TTC34: variants seen among roughly 807,000 people sequenced by gnomAD.
TTC34 encodes the protein tetratricopeptide repeat protein 34.
Under a neutral mutation model 40.7 loss-of-function variants are expected in TTC34, and 44 were observed. The ratio of observed to expected loss-of-function variants is 1.08; its 90% CI spans 0.85 to 1.39. The LOEUF is 1.39. Among genes scored for constraint, TTC34 ranks in the 40% most tolerant of loss-of-function variants. The probability of loss-of-function intolerance (pLI) is 0.00; values close to 1 mark genes in which losing one functional copy is unlikely to be tolerated. For missense variants in TTC34, 884 were observed against 838.0 expected (o/e 1.05, Z -0.68); for synonymous variants, 422 against 398.6 (o/e 1.06, Z -0.70).
At chr1:2,773,404 AGC>A in intron 6 of TTC34, among the ~76,000 whole-genome samples, 1 of 99,534 alleles carries the variant, frequency 1.0e-5, no homozygotes, top group African/African-American at 3.6e-5. Flanking sequence ...GACTGCCTGG[AGC>A]AGCACCCACA....
At position 2,769,615 on chromosome 1, in the gene TTC34, G is replaced by A. The variant is rs1450656622; in HGVS notation, c.2226+13994C>T. Reference sequence around the variant, plus strand: ...CTCCAGGGGGAGCATCTGACAGCCTGGAACAGCACCCACACCCCCAGGTGA... The same window carrying A: ...CTCCAGGGGGAGCATCTGACAGCCTAGAACAGCACCCACACCCCCAGGTGA... On this transcript the variant is annotated intron_variant, in intron 6 of 8. Coordinates refer to ENST00000401095, the Ensembl canonical transcript of TTC34. Among the ~76,000 whole-genome samples the A allele has an allele frequency of 1.3e-4, 17 of 134,998 alleles. 1 individual carries two copies. Among genetic ancestry groups the A allele is most frequent in the African/African-American group, 3.8e-4 (13 of 34,018 alleles). The allele number at this position is 134,998 out of a possible 152,430, so 88.6% of individuals were successfully genotyped here.
At chr1:2,749,787 A>C (rs1226206016) in intron 6 of TTC34, among the ~76,000 whole-genome samples, 204 of 3,296 alleles carry the variant, frequency 0.062, no homozygotes, top group Middle Eastern at 0.25. Flanking sequence ...ATCTGACAGC[A>C]TGTATCAGCA....
At chr1:2,757,322 TCG>T (rs1641538218) in intron 6 of TTC34, among the ~76,000 whole-genome samples, 2 of 112,278 alleles carry the variant, frequency 1.8e-5, no homozygotes, top group African/African-American at 4.0e-5. Flanking sequence ...CAGGCGAGGA[TCG>T]GACAGCCTGG....
intron 6 of TTC34, among the ~76,000 whole-genome samples, chr1:2,769,690 C>G (rs1295399569): frequency 1.1e-5 from 1 of 87,158 alleles, no homozygotes; most frequent in South Asian, 3.3e-4. Context: ...GAGCATCTGA[C>G]AGTCTGGAGC....
chr1:2,677,778 GT>G (rs1322338570), intron 6 of TTC34, among the ~76,000 whole-genome samples: 12 of 89,878 alleles, frequency 1.3e-4, no homozygotes, highest in Non-Finnish European at 2.4e-4. Context: ...ACACCCCCAG[GT>G]GAGCATCTGA....
intron 6 of TTC34, among the ~76,000 whole-genome samples, chr1:2,687,081 C>A (rs1415295610): frequency 3.1e-3 from 352 of 115,178 alleles, no homozygotes; most frequent in African/African-American, 6.0e-3. Context: ...GCAGGACCCA[C>A]ACCCCCAGGT....
intron 6 of TTC34, among the ~76,000 whole-genome samples, chr1:2,752,160 G>A (rs1344426612): frequency 8.6e-6 from 1 of 116,190 alleles, no homozygotes; most frequent in African/African-American, 3.9e-5. Flanking sequence ...GTCTGGAGCA[G>A]CACCCACACC....
At chr1:2,749,626 C>G in intron 6 of TTC34, among the ~76,000 whole-genome samples, 1 of 108,336 alleles carries the variant, frequency 9.2e-6, no homozygotes, top group Non-Finnish European at 1.8e-5. Context: ...ATGTGATGGT[C>G]TGGAGCAGCC....
intron 6 of TTC34, among the ~76,000 whole-genome samples, chr1:2,683,874 CCCG>C (rs1640197309): frequency 2.9e-5 from 4 of 140,084 alleles, no homozygotes; most frequent in African/African-American, 1.2e-4. Flanking sequence ...GAACCCACAC[CCCG>C]AGGCGAGCAT....
At chr1:2,748,939 C>G (rs1641230759) in intron 6 of TTC34, among the ~76,000 whole-genome samples, 1 of 79,180 alleles carries the variant, frequency 1.3e-5, no homozygotes, top group Non-Finnish European at 2.2e-5. Context: ...GAGTATCTGA[C>G]AGACTGGAAC....
intron 6 of TTC34, among the ~76,000 whole-genome samples, chr1:2,675,641 C>G (rs1419871687): frequency 1.2e-5 from 1 of 85,906 alleles, no homozygotes; most frequent in African/African-American, 4.0e-5. Context: ...CAGCACCCCA[C>G]ACCCCCAGGT....
rs1476070970 is a variant in TTC34, at chr1:2,753,296, A to G, written c.2226+30313T>C. Among the ~76,000 whole-genome samples, 77 of 72,150 alleles carry G rather than the reference A, an allele frequency of 1.1e-3. 1 individual carries two copies. Among genetic ancestry groups the G allele is most frequent in the African/African-American group, 6.4e-3 (72 of 11,206 alleles). 47.3% of individuals were successfully genotyped at this position (72,150 alleles called of 152,430 possible). A position where few individuals can be genotyped will look rare whatever the true frequency, so the allele number is the denominator to read the frequency against. On this transcript the variant is annotated intron_variant, in intron 6 of 8. Transcript: ENST00000401095. ...GACAGCCTGGAACAGCACCCTGCAC[A>G]CCCAGGTGAGCATCCGACAGCCTGG...
chr1:2,783,646 C>T lies in TTC34; in HGVS notation c.2189G>A (p.Gly730Glu), dbSNP rs757726402. Residue 730 changes from glycine (G) to glutamate (E), a missense_variant, in exon 6 of 9, where the codon GGA becomes GAA. Physicochemically the swap from Gly to Glu is moderately conservative, Grantham distance 98. Transcript: ENST00000401095. ...TAGGGCCAGGTGCACCAACGCCCGT[C>T]CACACAGTGCCTGCACGTTCCCCGG... 1,044 of 1,481,874 alleles carry T rather than the reference C, an allele frequency of 7.0e-4. 9 individuals are homozygous for T. The highest frequency in any genetic ancestry group is 1.3e-4 in the Non-Finnish European group (148 of 1,104,770). 91.8% of individuals were successfully genotyped at this position (1,481,874 alleles called of 1,614,324 possible).
chr1:2,755,095 A>C (rs1278749467), intron 6 of TTC34, among the ~76,000 whole-genome samples: 1,116 of 4,688 alleles, frequency 0.24, no homozygotes, highest in East Asian at 0.33. Flanking sequence ...GGAACAGCAC[A>C]CACACCCCCA....
Position 2,800,532 on chromosome 1 carries a change from G to A in TTC34, c.296C>T (p.Pro99Leu), listed in dbSNP as rs542077002. 2.3e-5 allele frequency: 9 copies of A among 398,524 alleles called. No homozygotes were observed. In the South Asian group the frequency reaches 5.1e-4, roughly 23 times the overall value. The allele number at this position is 398,524 out of a possible 1,614,324, so 24.7% of individuals were successfully genotyped here. ...GTGCAGGATGGCGGCGGGGTGGTCC[G>A]GGCAGAGGGCGCCGAGGAAGGCAGA... The change falls in exon 2 of 9, where the codon CCG (proline) becomes CTG (leucine). Residue 99 changes from proline (P) to leucine (L), a missense_variant. Pro to Leu is a moderately conservative substitution (Grantham distance 98). Transcript: ENST00000401095.
intron 6 of TTC34, among the ~76,000 whole-genome samples, chr1:2,750,075 GC>G (rs2100426448): frequency 1.0e-5 from 1 of 97,234 alleles, no homozygotes; most frequent in East Asian, 4.0e-4. Flanking sequence ...GCCTGGAGCA[GC>G]AGGCACACCC....
At chr1:2,691,480 A>G (rs1435106334) in intron 6 of TTC34, among the ~76,000 whole-genome samples, 1 of 99,400 alleles carries the variant, frequency 1.0e-5, no homozygotes, top group East Asian at 2.9e-4. Flanking sequence ...TGAGCATCTG[A>G]TGGTCTGGAG....
chr1:2,654,614 C>A (rs1639274323), intron 6 of TTC34, among the ~76,000 whole-genome samples: 3 of 151,940 alleles, frequency 2.0e-5, no homozygotes, highest in East Asian at 3.9e-4. Context: ...CTCCCACACC[C>A]CCAGGTGAGC....
chr1:2,749,223 A>G (rs1159160193), intron 6 of TTC34, among the ~76,000 whole-genome samples: 88 of 38,864 alleles, frequency 2.3e-3, no homozygotes, highest in South Asian at 5.0e-3. Context: ...GCATCTGACA[A>G]CCTGGAGCAG....
Sources: gnomAD v4.1 joint callset for allele counts (sites outside exome capture counted in the v4.1 genomes callset) on GRCh38, gnomAD v4.1.1 for gene constraint, MANE v1.5 for transcripts, NCBI Gene and HGNC (gene_info 2026-07-23, HGNC 2026-07-21) for gene names.